The following DOCK8 variants were observed in gnomAD, a reference collection of about 807,000 sequenced individuals.
The protein encoded by DOCK8 is dedicator of cytokinesis 8.
In DOCK8, 141 loss-of-function variants were observed where a neutral mutation model predicts 245.6. The observed-to-expected ratio is 0.57, with a 90% CI of 0.50 to 0.66. DOCK8 has a LOEUF of 0.66. DOCK8 is among the 30% of genes least tolerant of loss of function. The pLI is 0.00. For missense variants in DOCK8, 2,965 were observed against 2,603.4 expected (o/e 1.14, Z -3.02); for synonymous variants, 1,168 against 970.2 (o/e 1.20, Z -3.79).
intron 24 of DOCK8, 98 bp from the exon 25 acceptor site, chr9:396,687 T>C (rs984431303): frequency 2.1e-5 from 32 of 1,526,976 alleles, no homozygotes; most frequent in African/African-American, 8.2e-5. Context: ...AGAAAATCCA[T>C]TGTTAGAGAG....
intron 1 of DOCK8, among the ~76,000 whole-genome samples, chr9:228,337 A>G (rs2047032330): frequency 1.3e-5 from 2 of 152,204 alleles, no homozygotes; most frequent in African/African-American, 4.8e-5. Context: ...TCTTTGCACC[A>G]GCATTAAGAC....
At chr9:409,112 T>C (rs2055585621) in intron 28 of DOCK8, among the ~76,000 whole-genome samples, 1 of 152,182 alleles carries the variant, frequency 6.6e-6, no homozygotes, top group Admixed American at 6.5e-5. Context: ...CTTCCTTTTT[T>C]TTTTTCTTTT....
At chr9:347,073 A>G (rs1451768815) in intron 14 of DOCK8, among the ~76,000 whole-genome samples, 1 of 151,718 alleles carries the variant, frequency 6.6e-6, no homozygotes, top group Non-Finnish European at 1.5e-5. Flanking sequence ...CACCCTGAAG[A>G]CTCCCATTCA....
At chr9:328,663 G>A (rs966307226) in intron 9 of DOCK8, among the ~76,000 whole-genome samples, 1 of 151,944 alleles carries the variant, frequency 6.6e-6, no homozygotes, top group African/African-American at 2.4e-5. Context: ...ATAGTTACGT[G>A]TTCCCAAGTC....
upstream of DOCK8, chr9:213,890 G>C (rs1214971273): frequency 1.3e-5 from 2 of 152,240 alleles, no homozygotes; most frequent in Non-Finnish European, 2.9e-5. Flanking sequence ...ACCACGCCCG[G>C]CTAATTTTTT....
At chr9:240,630 G>A (rs558730551) in intron 1 of DOCK8, among the ~76,000 whole-genome samples, 1 of 152,184 alleles carries the variant, frequency 6.6e-6, no homozygotes. Flanking sequence ...ATTTAAGTCT[G>A]ATATTTAATT....
At chr9:455,965 A>G (rs1327940252) in intron 46 of DOCK8, among the ~76,000 whole-genome samples, 1 of 152,162 alleles carries the variant, frequency 6.6e-6, no homozygotes, top group African/African-American at 2.4e-5. Context: ...ACTGTGCTAC[A>G]TATGTGGAAG....
At chr9:433,464 G>A (rs2056789135) in intron 37 of DOCK8, among the ~76,000 whole-genome samples, 1 of 152,154 alleles carries the variant, frequency 6.6e-6, no homozygotes, top group African/African-American at 2.4e-5. Flanking sequence ...CTGAAGCCCT[G>A]GGAAGATCCA....
intron 18 of DOCK8, among the ~76,000 whole-genome samples, chr9:374,029 T>C (rs1201759529): frequency 6.6e-6 from 1 of 152,208 alleles, no homozygotes; most frequent in Non-Finnish European, 1.5e-5. Flanking sequence ...GGTGAGTTGC[T>C]TACCCTCTCT....
intron 40 of DOCK8, among the ~76,000 whole-genome samples, chr9:440,638 G>C (rs1706693436): frequency 6.6e-6 from 1 of 152,214 alleles, no homozygotes; most frequent in Non-Finnish European, 1.5e-5. Context: ...GGCTAGAGGA[G>C]GACCTCTGAT....
intron 10 of DOCK8, 134 bp downstream of exon 10, chr9:332,612 A>G: frequency 1.7e-6 from 1 of 572,998 alleles, no homozygotes; most frequent in South Asian, 2.3e-5. Context: ...TTTTAATTAA[A>G]TAAAAGAGGA....
chr9:369,345 G>T (rs976069647), intron 15 of DOCK8: 1 of 152,422 alleles, frequency 6.6e-6, no homozygotes, highest in Admixed American at 6.5e-5. Context: ...AGCCAAGAGT[G>T]ACTGTGGGCT....
intron 14 of DOCK8, among the ~76,000 whole-genome samples, chr9:347,513 A>C (rs1167891917): frequency 6.6e-6 from 1 of 152,148 alleles, no homozygotes; most frequent in Non-Finnish European, 1.5e-5. Context: ...CAAAAAACAA[A>C]AACAAAAAAC....
At chr9:401,378 A>T (rs1380285636) in intron 26 of DOCK8, among the ~76,000 whole-genome samples, 1 of 152,136 alleles carries the variant, frequency 6.6e-6, no homozygotes, top group Non-Finnish European at 1.5e-5. Context: ...CCAGAGGAGC[A>T]GGGGAACTCC....
Position 237,547 on chromosome 9 carries a change from C to T in DOCK8, c.53+22518C>T, listed in dbSNP as rs568867233. 1.1e-4 allele frequency among the ~76,000 whole-genome samples: 16 copies of T among 152,274 alleles called. No homozygotes were observed. The East Asian group carries it at 2.3e-3, about 22-fold the overall frequency. ...GCATGCGCCTGTAGTCCCAGTTACT[C>T]AGGAGGCCAAGATGGAAGGATCAAT... On this transcript the variant is annotated intron_variant, in intron 1 of 47. Transcript: ENST00000432829.
intron 41 of DOCK8, 123 bp from the exon 42 acceptor site, chr9:441,752 T>C (rs2057101304): frequency 4.7e-6 from 6 of 1,272,754 alleles, no homozygotes; most frequent in Admixed American, 4.3e-5. Context: ...GAGTAATTTC[T>C]GTTTACATCA....
At chr9:300,550 A>C (rs2049491921) in intron 4 of DOCK8, among the ~76,000 whole-genome samples, 2 of 152,280 alleles carry the variant, frequency 1.3e-5, no homozygotes, top group Non-Finnish European at 2.9e-5. Flanking sequence ...CAATGAAACC[A>C]AAAGTTTGTG....
intron 14 of DOCK8, among the ~76,000 whole-genome samples, chr9:344,508 A>C (rs12347078): frequency 0.23 from 34,652 of 152,000 alleles, 10,826 homozygotes; most frequent in African/African-American, 0.71. Context: ...GAATCGAGTG[A>C]GGTCTGAACC....
rs771641676 is a variant in DOCK8, at chr9:336,634, T to C, written c.1338T>C (p.Ser446=). The change falls in exon 12 of 48, where the codon TCT becomes TCC. Residue 446 remains serine, a synonymous_variant. Transcript: ENST00000432829. ...CATTGGCCCAATCTAGAAGGCTTTC[T>C]GAAAGAGCCCTCTCCTTGGAGGAAA... The part of the protein sequence containing the change: ...RRTLAQSRRL[S]ERALSLEENG... 4.2e-5 allele frequency: 67 copies of C among 1,614,174 alleles called. No homozygotes were observed. Among genetic ancestry groups the C allele is most frequent in the Non-Finnish European group, 5.5e-5 (65 of 1,180,012 alleles).
Sources: allele counts gnomAD v4.1 joint callset (sites outside exome capture counted in the v4.1 genomes callset), GRCh38; gene constraint gnomAD v4.1.1; transcripts MANE v1.5; gene names NCBI Gene and HGNC (gene_info 2026-07-23, HGNC 2026-07-21).